CNTNAP2: variants seen among roughly 807,000 people sequenced by gnomAD.
CNTNAP2 encodes the protein contactin-associated protein-like 2.
Under a neutral mutation model 155.2 loss-of-function variants are expected in CNTNAP2, and 98 were observed. The observed-to-expected ratio is 0.63, with a 90% CI of 0.54 to 0.75. The LOEUF (loss-of-function observed/expected upper bound fraction) is 0.75, where lower values mean the gene tolerates loss of function less well. Ranked by LOEUF, CNTNAP2 falls within the 30% of genes least tolerant of loss-of-function variation. CNTNAP2 has a pLI of 0.00. For missense variants in CNTNAP2, 1,727 were observed against 1,688.1 expected, an observed-to-expected ratio of 1.02 and a Z score of -0.40; for synonymous variants, 651 against 631.2, an observed-to-expected ratio of 1.03 and a Z score of -0.47.
intron 4 of CNTNAP2, among the ~76,000 whole-genome samples, chr7:147,101,793 C>T (rs1228332266): frequency 2.6e-5 from 4 of 152,082 alleles, no homozygotes; most frequent in African/African-American, 7.2e-5. Context: ...TCTGCTGTGC[C>T]GCTCTTCTGT....
intron 2 of CNTNAP2, among the ~76,000 whole-genome samples, chr7:146,791,750 A>G (rs1445906807): frequency 6.6e-6 from 1 of 152,214 alleles, no homozygotes; most frequent in Non-Finnish European, 1.5e-5. Context: ...AAGGAGTGAT[A>G]AACAGGCAGG....
intron 1 of CNTNAP2, among the ~76,000 whole-genome samples, chr7:146,245,068 T>C (rs1563005277): frequency 6.6e-6 from 1 of 152,198 alleles, no homozygotes; most frequent in Non-Finnish European, 1.5e-5. Flanking sequence ...GGCGGGCTAG[T>C]GGCTTGTACT....
At chr7:146,708,572 A>G (rs1801006520) in intron 1 of CNTNAP2, among the ~76,000 whole-genome samples, 1 of 92,556 alleles carries the variant, frequency 1.1e-5, no homozygotes, top group Non-Finnish European at 1.7e-5. Flanking sequence ...TCTGTTTAAG[A>G]AAAAAAAAAA....
chr7:146,661,582 G>T (rs200473775), intron 1 of CNTNAP2, among the ~76,000 whole-genome samples: 1 of 150,488 alleles, frequency 6.6e-6, no homozygotes, highest in African/African-American at 2.5e-5. Flanking sequence ...TCTTGAGACT[G>T]TAAGTTGTAT....
At chr7:146,307,935 A>C (rs1419373863) in intron 1 of CNTNAP2, among the ~76,000 whole-genome samples, 1 of 152,176 alleles carries the variant, frequency 6.6e-6, no homozygotes, top group African/African-American at 2.4e-5. Context: ...TTCATGACTA[A>C]AACACCAAAA....
At chr7:147,451,934 C>T (rs1007099866) in intron 10 of CNTNAP2, among the ~76,000 whole-genome samples, 2 of 152,174 alleles carry the variant, frequency 1.3e-5, no homozygotes, top group African/African-American at 4.8e-5. Flanking sequence ...GCTCTTCCAC[C>T]ATCTGCAAGG....
intron 23 of CNTNAP2, among the ~76,000 whole-genome samples, chr7:148,410,744 G>A (rs1202930728): frequency 6.6e-6 from 1 of 152,044 alleles, no homozygotes; most frequent in Non-Finnish European, 1.5e-5. Flanking sequence ...TTACACACAT[G>A]GAGGTAGAAA....
At chr7:148,099,131 A>C (rs1336974027) in intron 15 of CNTNAP2, among the ~76,000 whole-genome samples, 1 of 152,198 alleles carries the variant, frequency 6.6e-6, no homozygotes, top group Non-Finnish European at 1.5e-5. Context: ...AGGTGTGTAA[A>C]AATAGAACCG....
In CNTNAP2 at chr7:148,224,303, T is replaced by A. The variant is rs1249138364; in HGVS notation, c.3248-5343T>A. Among the ~76,000 whole-genome samples the A allele has an allele frequency of 4.5e-3, 678 of 152,298 alleles. 19 individuals are homozygous for A. The East Asian group carries it at 0.084, about 19-fold the overall frequency. The stretch of plus-strand genomic sequence containing the variant: ...TCTCCGTCATTCCCAAACAATGGAC[T>A]ATTTTAATGCTATTGGGTAAAGGAA... On this transcript the variant is annotated intron_variant, in intron 19 of 23. Transcript: ENST00000361727.
chr7:147,967,241 A>G (rs1801232167), intron 14 of CNTNAP2, among the ~76,000 whole-genome samples: 1 of 152,208 alleles, frequency 6.6e-6, no homozygotes, highest in Admixed American at 6.6e-5. Flanking sequence ...TCTAGCCAGT[A>G]AGGCAATTTT....
At chr7:147,626,859 T>C (rs1461374448) in intron 12 of CNTNAP2, among the ~76,000 whole-genome samples, 2 of 152,172 alleles carry the variant, frequency 1.3e-5, no homozygotes, top group Admixed American at 6.5e-5. Context: ...ATAACCATCA[T>C]TCAAGAAAGC....
intron 13 of CNTNAP2, among the ~76,000 whole-genome samples, chr7:147,879,346 G>A (rs1356372008): frequency 1.3e-5 from 2 of 152,142 alleles, no homozygotes; most frequent in Non-Finnish European, 2.9e-5. Context: ...CTCTTTCCAG[G>A]AGCAAAATGA....
chr7:146,352,748 C>CTGTTTTTTTTTTTTT (rs1794934192), intron 1 of CNTNAP2, among the ~76,000 whole-genome samples: 1 of 66,218 alleles, frequency 1.5e-5, no homozygotes, highest in South Asian at 3.8e-4. Context: ...TAGCATAATT[C>CTGTTTTTTTTTTTTT]TGTTTTTTTT....
At chr7:147,295,438 G>T (rs1484608729) in intron 8 of CNTNAP2, among the ~76,000 whole-genome samples, 1 of 152,082 alleles carries the variant, frequency 6.6e-6, no homozygotes, top group Non-Finnish European at 1.5e-5. Flanking sequence ...ACCTTTACCT[G>T]TTACCATCTA....
intron 10 of CNTNAP2, among the ~76,000 whole-genome samples, chr7:147,471,481 G>A (rs1238789610): frequency 6.6e-6 from 1 of 152,204 alleles, no homozygotes; most frequent in African/African-American, 2.4e-5. Flanking sequence ...AGTATTTTAA[G>A]TGGGGCAGTG....
At chr7:147,717,718 T>G (rs2117023603) in intron 13 of CNTNAP2, among the ~76,000 whole-genome samples, 1 of 152,066 alleles carries the variant, frequency 6.6e-6, no homozygotes, top group African/African-American at 2.4e-5. Context: ...TGAGGAGAAT[T>G]TAAAAAAGCA....
rs1172870842 is a variant in CNTNAP2 at position 147,879,367 on chromosome 7, CAAGT to C, written c.2099-24196_2099-24193del. Among the ~76,000 whole-genome samples, 3 of 152,282 alleles carry C rather than the reference CAAGT, an allele frequency of 2.0e-5. No individual in the cohort carries two copies. In the East Asian group the frequency reaches 5.8e-4, roughly 29 times the overall value. On this transcript the variant is annotated intron_variant, in intron 13 of 23. Transcript: ENST00000361727. ...CCAGGAGCAAAATGAAGTTGTCAAG[CAAGT>C]ATTTGCTCTGACTCTGCCAGGCACC...
At chr7:147,505,648 TCTC>T (rs1451794867) in intron 11 of CNTNAP2, among the ~76,000 whole-genome samples, 5 of 152,210 alleles carry the variant, frequency 3.3e-5, no homozygotes, top group African/African-American at 1.2e-4. Flanking sequence ...AATTTTGCTT[TCTC>T]TTTTTCCAGC....
At chr7:146,824,607 G>A (rs1229948138) in intron 2 of CNTNAP2, among the ~76,000 whole-genome samples, 1 of 152,122 alleles carries the variant, frequency 6.6e-6, no homozygotes, top group East Asian at 1.9e-4. Flanking sequence ...AGATCTCACT[G>A]TGGTTTTGAT....
Sources: allele counts gnomAD v4.1 joint callset (sites outside exome capture counted in the v4.1 genomes callset), GRCh38; gene constraint gnomAD v4.1.1; transcripts MANE v1.5; gene names NCBI Gene and HGNC (gene_info 2026-07-23, HGNC 2026-07-21).